The following HS6ST3 variants were observed in gnomAD, a reference collection of about 807,000 sequenced individuals.
HS6ST3 encodes the protein heparan sulfate 6-O-sulfotransferase 3, also known as heparan-sulfate 6-O-sulfotransferase 3.
In HS6ST3, 12 loss-of-function variants were observed where a neutral mutation model predicts 36.7. The observed-to-expected ratio is 0.33, with a 90% CI of 0.21 to 0.53. The LOEUF (loss-of-function observed/expected upper bound fraction) is 0.53, where lower values mean the gene tolerates loss of function less well. HS6ST3 is among the 20% of genes least tolerant of loss of function. HS6ST3 has a pLI of 0.95. For synonymous variants in HS6ST3, 240 were observed against 257.5 expected, an observed-to-expected ratio of 0.93 and a Z score of 0.65; for missense variants, 584 against 640.9, an observed-to-expected ratio of 0.91 and a Z score of 0.96.
At chr13:96,308,867 A>G (rs2054926669) in intron 1 of HS6ST3, among the ~76,000 whole-genome samples, 1 of 152,226 alleles carries the variant, frequency 6.6e-6, no homozygotes. Context: ...AATTGCATAC[A>G]CATGTTGACT....
intron 1 of HS6ST3, among the ~76,000 whole-genome samples, chr13:96,426,655 A>G (rs2055588711): frequency 6.6e-6 from 1 of 152,104 alleles, no homozygotes; most frequent in Non-Finnish European, 1.5e-5. Context: ...TCTTCTCTTT[A>G]TTGAAAGGGT....
chr13:96,112,903 T>G (rs2053877563), intron 1 of HS6ST3, among the ~76,000 whole-genome samples: 1 of 152,004 alleles, frequency 6.6e-6, no homozygotes, highest in South Asian at 2.1e-4. Flanking sequence ...CATGGTAAGA[T>G]TAGATGATAT....
chr13:96,752,071 T>G (rs1451900573), intron 1 of HS6ST3, among the ~76,000 whole-genome samples: 1 of 152,116 alleles, frequency 6.6e-6, no homozygotes, highest in African/African-American at 2.4e-5. Context: ...TTAAAAATCA[T>G]TTCTTGTTTT....
intron 1 of HS6ST3, among the ~76,000 whole-genome samples, chr13:96,285,055 G>A (rs1009388943): frequency 6.6e-6 from 1 of 151,792 alleles, no homozygotes; most frequent in Non-Finnish European, 1.5e-5. Flanking sequence ...AAGATTGAAT[G>A]CATATTTTTA....
At chr13:96,668,188 A>T (rs530295649) in intron 1 of HS6ST3, among the ~76,000 whole-genome samples, 1 of 151,850 alleles carries the variant, frequency 6.6e-6, no homozygotes. Context: ...ACACACACAC[A>T]CGCACACACA....
chr13:96,145,059 T>C (rs1439050105), intron 1 of HS6ST3, among the ~76,000 whole-genome samples: 1 of 143,760 alleles, frequency 7.0e-6, no homozygotes, highest in Non-Finnish European at 1.5e-5. Flanking sequence ...GTTGGACATT[T>C]GGGTTGGTTC....
chr13:96,128,865 T>TTTTTTTTTAGG (rs1376093401), intron 1 of HS6ST3, among the ~76,000 whole-genome samples: 1 of 151,476 alleles, frequency 6.6e-6, no homozygotes, highest in African/African-American at 2.4e-5. Context: ...TTTTTTTTTT[T>TTTTTTTTTAGG]GGCGGAGTTT....
intron 1 of HS6ST3, among the ~76,000 whole-genome samples, chr13:96,184,028 C>A (rs1252874066): frequency 6.6e-6 from 1 of 151,548 alleles, no homozygotes; most frequent in East Asian, 1.9e-4. Context: ...TGGTAAAACC[C>A]TGTCTCTACT....
At chr13:96,816,416 A>G (rs1211319054) in intron 1 of HS6ST3, among the ~76,000 whole-genome samples, 3 of 152,210 alleles carry the variant, frequency 2.0e-5, no homozygotes, top group Non-Finnish European at 4.4e-5. Context: ...GGCATTTGCC[A>G]AGCAAAGTAG....
intron 1 of HS6ST3, 29 bp downstream of exon 1, chr13:96,091,598 T>TGGCCCC: frequency 5.4e-6 from 8 of 1,488,382 alleles, no homozygotes; most frequent in Non-Finnish European, 7.2e-6. Flanking sequence ...TCTCTGTTCT[T>TGGCCCC]CCCCCCCACC....
intron 1 of HS6ST3, among the ~76,000 whole-genome samples, chr13:96,338,246 C>T (rs1305096470): frequency 1.3e-5 from 2 of 152,002 alleles, no homozygotes; most frequent in South Asian, 2.1e-4. Flanking sequence ...CACAAATGGC[C>T]GGTGAGCCAC....
intron 1 of HS6ST3, among the ~76,000 whole-genome samples, chr13:96,091,884 G>A (rs555657863): frequency 6.6e-6 from 1 of 152,100 alleles, no homozygotes; most frequent in Non-Finnish European, 1.5e-5. Flanking sequence ...CTGGAAAAAC[G>A]CCCTGAAATG....
rs528144950 is a variant in HS6ST3 at position 96,531,321 on chromosome 13, T to C, written c.708-301169T>C. 2.6e-5 allele frequency among the ~76,000 whole-genome samples: 4 copies of C among 152,352 alleles called. No homozygotes were observed. The South Asian group carries it at 8.3e-4, about 32-fold the overall frequency. ...AACGAGAAGTTAAATGGATTAAATA[T>C]GAAGTTAAATATGGATTAAACCATA... is the stretch of plus-strand genomic sequence containing the variant. On this transcript the variant is annotated intron_variant, in intron 1 of 1. Transcript: ENST00000376705.
At chr13:96,791,292 A>G (rs1877784191) in intron 1 of HS6ST3, among the ~76,000 whole-genome samples, 1 of 152,034 alleles carries the variant, frequency 6.6e-6, no homozygotes, top group Admixed American at 6.6e-5. Flanking sequence ...TAGTGTTTGC[A>G]TGCTAATTTT....
In HS6ST3 at chr13:96,501,614, T is replaced by G. The variant is rs753985664; in HGVS notation, c.708-330876T>G. ...TAGCAACTGCTCCAGGAACAAATAT[T>G]TGAACAAAGTTCTGCCACAGAGCCT... On this transcript the variant is annotated intron_variant, in intron 1 of 1. Transcript: ENST00000376705. Among the ~76,000 whole-genome samples the G allele has an allele frequency of 1.3e-3, 196 of 152,198 alleles. 2 individuals are homozygous for G. The highest frequency in any genetic ancestry group is 2.1e-3 in the Non-Finnish European group (143 of 68,042).
chr13:96,318,399 G>A (rs566868685), intron 1 of HS6ST3, among the ~76,000 whole-genome samples: 1 of 152,260 alleles, frequency 6.6e-6, no homozygotes, highest in African/African-American at 2.4e-5. Context: ...AGGTATGGTG[G>A]CAGCTGCCTG....
chr13:96,739,555 A>C (rs1876381329), intron 1 of HS6ST3, among the ~76,000 whole-genome samples: 1 of 151,682 alleles, frequency 6.6e-6, no homozygotes, highest in Non-Finnish European at 1.5e-5. Flanking sequence ...CGTTAGAGTC[A>C]CTCTTGACTC....
rs530534560 is a variant in HS6ST3 at position 96,428,570 on chromosome 13, C to G, written c.707+337001C>G. Among the ~76,000 whole-genome samples, 39 of 152,198 alleles carry G rather than the reference C, an allele frequency of 2.6e-4. 1 individual carries two copies. The South Asian group carries it at 7.5e-3, about 29-fold the overall frequency. ...TCCTAACCTCCTCTTCTCAAAAGGA[C>G]ACCAGTCATTGGATTAGGGCCCACC... is the stretch of plus-strand genomic sequence containing the variant. On this transcript the variant is annotated intron_variant, in intron 1 of 1. Transcript: ENST00000376705.
intron 1 of HS6ST3, among the ~76,000 whole-genome samples, chr13:96,829,764 G>A (rs1878733725): frequency 6.6e-6 from 1 of 152,124 alleles, no homozygotes. Context: ...CATTTAGGTT[G>A]ATTCCATGTC....
Sources: allele counts gnomAD v4.1 joint callset (sites outside exome capture counted in the v4.1 genomes callset), GRCh38; gene constraint gnomAD v4.1.1; transcripts MANE v1.5; gene names NCBI Gene and HGNC (gene_info 2026-07-23, HGNC 2026-07-21).